Variants in SLC26A8 observed in about 807,000 individuals in gnomAD.
SLC26A8 encodes solute carrier family 26 member 8.
SLC26A8 carries 70 observed loss-of-function variants against 105.0 expected under a neutral mutation model. The ratio of observed to expected loss-of-function variants is 0.67; its 90% CI spans 0.55 to 0.81. SLC26A8 has a LOEUF of 0.81. Ranked by LOEUF, SLC26A8 falls within the 40% of genes least tolerant of loss-of-function variation. The probability of loss-of-function intolerance (pLI) is 0.00; values close to 1 mark genes in which losing one functional copy is unlikely to be tolerated. For synonymous variants in SLC26A8, 415 were observed against 438.3 expected (o/e 0.95, Z 0.66); for missense variants, 998 against 1,181.8 (o/e 0.84, Z 2.28).
At chr6:36,013,482 G>A (rs187190094) in intron 2 of SLC26A8, among the ~76,000 whole-genome samples, 23 of 152,174 alleles carry the variant, frequency 1.5e-4, no homozygotes, top group Non-Finnish European at 5.9e-5. Context: ...TGCCTGGCCC[G>A]GAGACATTTT....
intron 19 of SLC26A8, among the ~76,000 whole-genome samples, chr6:35,949,645 A>G (rs1361504723): frequency 6.6e-6 from 1 of 152,158 alleles, no homozygotes; most frequent in Non-Finnish European, 1.5e-5. Flanking sequence ...AAAAACAAAT[A>G]TATCGAGTAT....
chr6:35,987,768 C>T (rs1773583449), intron 7 of SLC26A8, among the ~76,000 whole-genome samples: 1 of 152,146 alleles, frequency 6.6e-6, no homozygotes, highest in Non-Finnish European at 1.5e-5. Flanking sequence ...TCAAAAGTCA[C>T]AGGGTCCTCC....
rs1455911676 is a variant in SLC26A8, at chr6:35,991,440, C to T, written c.942+219G>A. On this transcript the variant is annotated intron_variant, in intron 7 of 19. Transcript: ENST00000490799. ...AAAAAAACTTGATTTAAACATTTCA[C>T]TATGTATATCAGAATATCACATCAT... Among the ~76,000 whole-genome samples, 4 of 150,550 alleles carry T rather than the reference C, an allele frequency of 2.7e-5. No individual in the cohort carries two copies. The East Asian group carries it at 5.8e-4, about 22-fold the overall frequency.
chr6:36,010,242 A>G (rs1202123480), intron 3 of SLC26A8, among the ~76,000 whole-genome samples: 1 of 152,232 alleles, frequency 6.6e-6, no homozygotes, highest in African/African-American at 2.4e-5. Flanking sequence ...ATATAGTAGA[A>G]TATTACTAAG....
intron 7 of SLC26A8, among the ~76,000 whole-genome samples, chr6:35,991,416 A>C (rs1258474987): frequency 1.3e-5 from 2 of 151,990 alleles, no homozygotes; most frequent in African/African-American, 2.4e-5. Context: ...AAAAAAAAAA[A>C]AAAAACTTGA....
intron 19 of SLC26A8, among the ~76,000 whole-genome samples, chr6:35,946,228 AT>A (rs924429239): frequency 4.6e-5 from 7 of 151,852 alleles, no homozygotes; most frequent in African/African-American, 1.5e-4. Flanking sequence ...GGCCACTTGA[AT>A]TTTTTTGTTT....
intron 11 of SLC26A8, 70 bp from the exon 12 acceptor site, chr6:35,962,691 A>T: frequency 6.8e-7 from 1 of 1,468,836 alleles, no homozygotes; most frequent in Non-Finnish European, 9.5e-7. Context: ...CCCACCAAGG[A>T]ATCACAAAAA....
intron 2 of SLC26A8, among the ~76,000 whole-genome samples, chr6:36,016,936 C>T (rs1296371072): frequency 6.6e-6 from 1 of 152,054 alleles, no homozygotes; most frequent in East Asian, 1.9e-4. Flanking sequence ...CTTTGTGAGG[C>T]CAAAGCAAGC....
At chr6:35,985,692 CAAAAAAAAAAAAAAAA>C (rs58199602) in intron 7 of SLC26A8, among the ~76,000 whole-genome samples, 2 of 46,920 alleles carry the variant, frequency 4.3e-5, no homozygotes, top group African/African-American at 1.8e-4. Flanking sequence ...GACTCCGTCT[CAAAAAAAAAAAAAAAA>C]AAAAAAAAAA....
At chr6:36,024,357 A>ATCAT (rs1379776836) in intron 1 of SLC26A8, 147 bp downstream of exon 1, 5 of 431,202 alleles carry the variant, frequency 1.2e-5, no homozygotes, top group South Asian at 4.8e-5. Flanking sequence ...AGGGACGACC[A>ATCAT]TCATTCATTC....
At chr6:35,983,949 A>G (rs1167514700) in intron 7 of SLC26A8, among the ~76,000 whole-genome samples, 14 of 152,092 alleles carry the variant, frequency 9.2e-5, no homozygotes, top group Admixed American at 9.2e-4. Flanking sequence ...TGTAAAAGGC[A>G]TTTTAGACCC....
intron 16 of SLC26A8, among the ~76,000 whole-genome samples, chr6:35,956,654 TCA>T (rs1220887633): frequency 1.8e-4 from 28 of 151,880 alleles, no homozygotes; most frequent in Admixed American, 1.1e-3. Context: ...GCATGGTGGC[TCA>T]CACCTGTAAT....
rs113781963 is a variant in SLC26A8 at position 35,944,094 on chromosome 6, C to T, written c.2719G>A (p.Glu907Lys). ...TTGGGGTTGGGCTCCATCTCAGGCT[C>T]AGTCTCAGGCTGGGGCTCCATCTCG... ...QTEMEPQPETEPEMEPNPKSR... is the reference protein window; with the variant it reads ...QTEMEPQPETKPEMEPNPKSR... Residue 907 changes from glutamate to lysine, a missense_variant, in exon 20 of 20, where the codon GAG becomes AAG. By Grantham distance (56) the Glu-to-Lys change is moderately conservative. Transcript: ENST00000490799. 3.1e-5 allele frequency: 50 copies of T among 1,613,912 alleles called. No individual in the cohort carries two copies. The African/African-American group carries it at 5.7e-4, about 19-fold the overall frequency.
chr6:35,991,083 G>A (rs1761133666), intron 7 of SLC26A8, among the ~76,000 whole-genome samples: 1 of 152,102 alleles, frequency 6.6e-6, no homozygotes, highest in Non-Finnish European at 1.5e-5. Context: ...ACTGCTGCTA[G>A]GGCTGCAAGG....
rs528825367 is a variant in SLC26A8 at position 35,993,191 on chromosome 6, G to C, written c.628-517C>G. 1.4e-3 allele frequency among the ~76,000 whole-genome samples: 174 copies of C among 127,374 alleles called. 21 individuals carry two copies. The highest frequency in any genetic ancestry group is 3.9e-3 in the African/African-American group (143 of 36,458). 83.6% of individuals were successfully genotyped at this position (127,374 alleles called of 152,430 possible). A position where few individuals can be genotyped will look rare whatever the true frequency, so the allele number is the denominator to read the frequency against. On this transcript the variant is annotated intron_variant, in intron 5 of 19. Transcript: ENST00000490799. ...TTTTTTTTTTTGATAGAGATTGGAG[G>C]GGGGGGTCTTGCTATATTACCTAGG...
intron 4 of SLC26A8, among the ~76,000 whole-genome samples, chr6:35,998,282 A>T (rs758279270): frequency 1.1e-4 from 16 of 152,300 alleles, no homozygotes; most frequent in Non-Finnish European, 1.9e-4. Context: ...ATCACCGGGC[A>T]TGGTGGCTCA....
intron 7 of SLC26A8, among the ~76,000 whole-genome samples, chr6:35,982,917 C>G (rs1232206934): frequency 6.6e-6 from 1 of 152,208 alleles, no homozygotes; most frequent in Non-Finnish European, 1.5e-5. Flanking sequence ...GCAATTCTCC[C>G]TCTAGTCCCT....
At chr6:35,957,214 C>G (rs1772106607) in intron 16 of SLC26A8, among the ~76,000 whole-genome samples, 1 of 152,086 alleles carries the variant, frequency 6.6e-6, no homozygotes, top group Admixed American at 6.5e-5. Context: ...AAGAGTGAAA[C>G]TCCGTCTCAA....
intron 11 of SLC26A8, among the ~76,000 whole-genome samples, chr6:35,968,603 GTGTGTGTATA>G (rs1279844410): frequency 3.4e-4 from 18 of 52,392 alleles, no homozygotes; most frequent in African/African-American, 9.9e-4. Context: ...GTGTGTGTGT[GTGTGTGTATA>G]TATATATATA....
Sources: allele counts gnomAD v4.1 joint callset (sites outside exome capture counted in the v4.1 genomes callset), GRCh38; gene constraint gnomAD v4.1.1; transcripts MANE v1.5; gene names NCBI Gene and HGNC (gene_info 2026-07-23, HGNC 2026-07-21).